The following NFIB variants were observed in gnomAD, a reference collection of about 807,000 sequenced individuals.
The protein encoded by NFIB is nuclear factor 1 B-type.
A neutral mutation model predicts 61.5 loss-of-function variants in NFIB; 11 were observed. That is an observed-to-expected ratio of 0.18 (90% confidence interval 0.11 to 0.30). The LOEUF (loss-of-function observed/expected upper bound fraction) is 0.30, where lower values mean the gene tolerates loss of function less well. NFIB is among the 10% of genes least tolerant of loss of function. NFIB has a pLI of 1.00. For synonymous variants in NFIB, 260 were observed against 216.5 expected (o/e 1.20, Z -1.76); for missense variants, 471 against 608.9 (o/e 0.77, Z 2.38).
chr9:14,216,546 CTGTGTGTGTG>C (rs372536644), intron 2 of NFIB, among the ~76,000 whole-genome samples: 12 of 21,552 alleles, frequency 5.6e-4, no homozygotes, highest in Admixed American at 1.9e-3. Flanking sequence ...CTCTCTCCCT[CTGTGTGTGTG>C]TGTGTGTGTG....
chr9:14,295,402 A>G (rs950910944), intron 2 of NFIB, among the ~76,000 whole-genome samples: 17 of 152,080 alleles, frequency 1.1e-4, no homozygotes, highest in Non-Finnish European at 1.9e-4. Flanking sequence ...CAAGGCGGGC[A>G]GATCACGAGG....
At chr9:14,300,529 G>A (rs989800977) in intron 2 of NFIB, among the ~76,000 whole-genome samples, 4 of 152,246 alleles carry the variant, frequency 2.6e-5, no homozygotes, top group Admixed American at 6.5e-5. Context: ...GCCAGGGATC[G>A]CCTTTGCCCA....
intron 2 of NFIB, among the ~76,000 whole-genome samples, chr9:14,184,090 T>A (rs531079573): frequency 5.1e-5 from 1 of 19,470 alleles, no homozygotes; most frequent in African/African-American, 5.8e-5. Flanking sequence ...GCTCTTCTAA[T>A]ATCTAAGCTT....
chr9:14,156,078 T>A (rs1057254146), intron 3 of NFIB, among the ~76,000 whole-genome samples, 185 bp from the exon 4 acceptor site: 10 of 152,180 alleles, frequency 6.6e-5, no homozygotes, highest in African/African-American at 2.4e-4. Context: ...AAATAAAAAG[T>A]TTAGATACCA....
intron 2 of NFIB, among the ~76,000 whole-genome samples, chr9:14,209,619 T>A (rs1422812840): frequency 6.6e-6 from 1 of 152,218 alleles, no homozygotes; most frequent in Non-Finnish European, 1.5e-5. Flanking sequence ...GAAACGTCAC[T>A]TTGGATATGG....
chr9:14,445,452 G>C, the NFIB span, among the ~76,000 whole-genome samples: 6 of 151,840 alleles, frequency 4.0e-5, no homozygotes, highest in African/African-American at 1.2e-4. Flanking sequence ...GCCTTTTATT[G>C]GGTTAAGGAA....
At chr9:14,352,739 A>T (rs2061128696) in intron 1 of NFIB, among the ~76,000 whole-genome samples, 1 of 152,238 alleles carries the variant, frequency 6.6e-6, no homozygotes, top group South Asian at 2.1e-4. Context: ...CCAATAACAG[A>T]CAGGGAAAGG....
chr9:14,284,508 A>C (rs1447347669), intron 2 of NFIB, among the ~76,000 whole-genome samples: 2 of 152,190 alleles, frequency 1.3e-5, no homozygotes, highest in African/African-American at 4.8e-5. Context: ...ACTCTTATCT[A>C]AATAATCCAC....
intron 2 of NFIB, among the ~76,000 whole-genome samples, chr9:14,224,181 A>G (rs1372184370): frequency 6.6e-6 from 1 of 152,200 alleles, no homozygotes; most frequent in African/African-American, 2.4e-5. Flanking sequence ...TCAATACACA[A>G]AAAGGTGGAA....
At chr9:14,369,524 C>T (rs1336601937) in intron 1 of NFIB, among the ~76,000 whole-genome samples, 1 of 152,064 alleles carries the variant, frequency 6.6e-6, no homozygotes. Flanking sequence ...GAAGGTGCTT[C>T]AGCTTTAACA....
At chr9:14,165,965 T>G (rs1223424382) in intron 3 of NFIB, among the ~76,000 whole-genome samples, 1 of 152,178 alleles carries the variant, frequency 6.6e-6, no homozygotes, top group East Asian at 1.9e-4. Context: ...ACTACTGTAT[T>G]GTACACTTAA....
chr9:14,322,265 TC>T (rs1378527149), intron 1 of NFIB: 1 of 486,206 alleles, frequency 2.1e-6, no homozygotes, highest in African/African-American at 2.0e-5. Flanking sequence ...GAAGGCTGTT[TC>T]TCGTGCTTGA....
At chr9:14,458,504 A>T in the NFIB span, among the ~76,000 whole-genome samples, 1 of 152,322 alleles carries the variant, frequency 6.6e-6, no homozygotes, top group Admixed American at 6.5e-5. Flanking sequence ...ATAGTGTTGG[A>T]AGTTCTGGCC....
the NFIB span, among the ~76,000 whole-genome samples, chr9:14,508,205 A>G: frequency 4.6e-5 from 7 of 152,000 alleles, no homozygotes; most frequent in African/African-American, 1.2e-4. Flanking sequence ...ATATACATAT[A>G]TGTGTAAATA....
the NFIB span, among the ~76,000 whole-genome samples, chr9:14,526,855 C>T: frequency 6.6e-5 from 10 of 152,272 alleles, no homozygotes; most frequent in East Asian, 1.4e-3. Flanking sequence ...CTTGAGAACA[C>T]GACCCTTTGC....
rs1405742365 is a variant in NFIB, at chr9:14,084,133, T to C, written c.*4176A>G. On this transcript the variant is annotated 3_prime_UTR_variant, in exon 11 of 11. Transcript: ENST00000380953. Reference sequence around the variant, plus strand: ...GGAATCTGTGAAATAACTCCTAACATGGACAGATTTTCTTTTTAATACATA... The same window carrying C: ...GGAATCTGTGAAATAACTCCTAACACGGACAGATTTTCTTTTTAATACATA... 9.9e-6 allele frequency: 2 copies of C among 202,998 alleles called. No individual in the cohort carries two copies. Among genetic ancestry groups the C allele is most frequent in the African/African-American group, 2.3e-5 (1 of 43,608 alleles). The allele number at this position is 202,998 out of a possible 1,614,324, so 12.6% of individuals were successfully genotyped here.
the NFIB span, among the ~76,000 whole-genome samples, chr9:14,509,081 T>C: frequency 6.6e-6 from 1 of 152,316 alleles, no homozygotes; most frequent in African/African-American, 2.4e-5. Context: ...AAATGAGTTG[T>C]TTCATTCAGC....
At chr9:14,408,388 A>G in the NFIB span, among the ~76,000 whole-genome samples, 1 of 152,240 alleles carries the variant, frequency 6.6e-6, no homozygotes, top group South Asian at 2.1e-4. Flanking sequence ...TCATATTTGT[A>G]TGTTCAGATT....
At chr9:14,380,853 C>T (rs187342615) in intron 1 of NFIB, among the ~76,000 whole-genome samples, 6 of 152,110 alleles carry the variant, frequency 3.9e-5, no homozygotes, top group East Asian at 3.9e-4. Flanking sequence ...AGCAGGGATT[C>T]GAACTAAAGG....
Sources: allele counts gnomAD v4.1 joint callset (sites outside exome capture counted in the v4.1 genomes callset), GRCh38; gene constraint gnomAD v4.1.1; transcripts MANE v1.5; gene names NCBI Gene and HGNC (gene_info 2026-07-23, HGNC 2026-07-21).